The following RND2 variants were observed in gnomAD, a reference collection of about 807,000 sequenced individuals.
RND2 encodes the protein Rho family GTPase 2, also known as rho-related GTP-binding protein RhoN.
RND2 carries 16 observed loss-of-function variants against 25.9 expected under a neutral mutation model. That is an observed-to-expected ratio of 0.62 (90% CI 0.42 to 0.94). RND2 has a LOEUF of 0.94. RND2 is among the 40% of genes least tolerant of loss of function. The pLI is 0.00. For synonymous variants in RND2, 97 were observed against 118.1 expected (o/e 0.82, Z 1.16); for missense variants, 276 against 305.5 (o/e 0.90, Z 0.72).
intron 3 of RND2, 129 bp downstream of exon 3, chr17:43,027,421 C>T (rs2050632394): frequency 3.2e-6 from 2 of 617,492 alleles, no homozygotes; most frequent in Non-Finnish European, 5.7e-6. Flanking sequence ...GAGTGAAGCT[C>T]TCATCCCTGC....
In RND2 at chr17:43,026,042, C is replaced by T. The variant is rs762520087; in HGVS notation, c.185C>T (p.Thr62Ile). The change falls in exon 2 of 5, where the codon ACT becomes ATT. Residue 62 changes from threonine (T) to isoleucine (I), a missense_variant. By Grantham distance (89) the Thr-to-Ile change is moderately conservative. Transcript: ENST00000587250. ...CGCATTGAGCTCAACATGTGGGACA[C>T]TTCAGGTAGCCAAGTCCCTGGGGGT... ...KRRIELNMWD[T>I]SGSSYYDNVR... is the part of the protein sequence containing the mutation. The T allele has an allele frequency of 1.2e-6, 2 of 1,607,178 alleles. No individual in the cohort carries two copies. Among genetic ancestry groups the T allele is most frequent in the South Asian group, 1.1e-5 (1 of 90,960 alleles).
chr17:43,028,435 A>C lies in RND2; in HGVS notation c.439A>C (p.Thr147Pro). ...RLIPVTHEQG[T>P]VLAKQVGAVS... is the part of the protein sequence containing the mutation. Reference sequence around the variant, plus strand: ...CATGCACTCCTTCCTTTTCCAGGGCACTGTGCTGGCCAAGCAGGTGGGGGC... The same window carrying C: ...CATGCACTCCTTCCTTTTCCAGGGCCCTGTGCTGGCCAAGCAGGTGGGGGC... The change falls in exon 5 of 5, where the codon ACT (threonine) becomes CCT (proline). Residue 147 changes from threonine (T) to proline (P), a missense_variant. Transcript: ENST00000587250. 1.2e-6 allele frequency: 2 copies of C among 1,613,338 alleles called. No individual in the cohort carries two copies. Among genetic ancestry groups the C allele is most frequent in the Non-Finnish European group, 1.7e-6 (2 of 1,179,308 alleles).
Position 43,029,372 on chromosome 17 carries a change from G to C in RND2, c.*692G>C, listed in dbSNP as rs144448732. The C allele has an allele frequency of 6.5e-6, 1 of 153,238 alleles. No homozygotes were observed. The highest frequency in any genetic ancestry group is 2.4e-5 in the African/African-American group (1 of 41,572). The allele number at this position is 153,238 out of a possible 1,614,324, so 9.5% of individuals were successfully genotyped here. A position where few individuals can be genotyped will look rare whatever the true frequency, so the allele number is the denominator to read the frequency against. On this transcript the variant is annotated 3_prime_UTR_variant, in exon 5 of 5. Coordinates refer to ENST00000587250, the MANE Select transcript of RND2 (RefSeq NM_005440.5). The stretch of plus-strand genomic sequence containing the variant: ...GAGGACAAAGCCATAGGTTGGATCA[G>C]AAGTGTCCTTTTAGGAGTCAGAGTT...
chr17:43,027,203 G>C lies in RND2; in HGVS notation c.211G>C (p.Val71Leu). ...DTSGSSYYDN[V>L]RPLAYPDSDA... ...TTCAGGTTCCTCTTACTATGATAATGTCCGGCCTCTGGCCTATCCTGATTC... is the reference window on the plus strand; with the variant it reads ...TTCAGGTTCCTCTTACTATGATAATCTCCGGCCTCTGGCCTATCCTGATTC... The change falls in exon 3 of 5, where the codon GTC becomes CTC. Residue 71 changes from valine to leucine, a missense_variant. Coordinates refer to ENST00000587250, the MANE Select transcript of RND2 (RefSeq NM_005440.5). 6.2e-7 allele frequency: 1 copy of C among 1,608,664 alleles called. No homozygotes were observed. Among genetic ancestry groups the C allele is most frequent in the Non-Finnish European group, 8.5e-7 (1 of 1,177,038 alleles).
In RND2 at chr17:43,025,263, G is replaced by A; in HGVS notation, c.-85G>A. ...CGCGAGATGCCGGTGTTGGCGGCCC[G>A]AGCGGCTGCAGTTGCAGGGGCGGGG... On this transcript the variant is annotated 5_prime_UTR_variant, in exon 1 of 5. Coordinates refer to ENST00000587250, the MANE Select transcript of RND2 (RefSeq NM_005440.5). 1.6e-6 allele frequency: 2 copies of A among 1,219,140 alleles called. No individual in the cohort carries two copies. Among genetic ancestry groups the A allele is most frequent in the African/African-American group, 1.6e-5 (1 of 62,862 alleles). 75.5% of individuals were successfully genotyped at this position (1,219,140 alleles called of 1,614,324 possible). A position where few individuals can be genotyped will look rare whatever the true frequency, so the allele number is the denominator to read the frequency against.
chr17:43,025,786 A>C (rs1487799983), intron 1 of RND2, among the ~76,000 whole-genome samples, 174 bp from the exon 2 acceptor site: 4 of 10,856 alleles, frequency 3.7e-4, no homozygotes, highest in African/African-American at 5.4e-4. Flanking sequence ...CTTAGCAGAG[A>C]TTCTCCGGGG....
At chr17:43,025,868 C>CTGGGCTGG (rs2050618573) in intron 1 of RND2, 92 bp from the exon 2 acceptor site, 1 of 568,120 alleles carries the variant, frequency 1.8e-6, no homozygotes, top group Non-Finnish European at 2.7e-6. Context: ...TGTCCAGGGG[C>CTGGGCTGG]TGGGCTGGAC....
rs2050645257 is a variant in RND2 at position 43,028,629 on chromosome 17, G to A, written c.633G>A (p.Gly211=). ...AGCTGTCAGGACGGCCAGACCGGGG[G>A]AATGAGGGCGAGATACACAAGGATC... is the stretch of plus-strand genomic sequence containing the variant. ...SAQLSGRPDR[G]NEGEIHKDRA... The change falls in exon 5 of 5, where the codon GGG becomes GGA. Residue 211 remains glycine (G), a synonymous_variant. Transcript: ENST00000587250. 1.9e-6 allele frequency: 3 copies of A among 1,608,308 alleles called. No individual in the cohort carries two copies. Among genetic ancestry groups the A allele is most frequent in the Admixed American group, 3.4e-5 (2 of 59,074 alleles).
chr17:43,027,946 G>C (rs1037621825), intron 3 of RND2, 115 bp from the exon 4 acceptor site: 17 of 1,239,910 alleles, frequency 1.4e-5, no homozygotes, highest in Non-Finnish European at 1.8e-5. Flanking sequence ...GAGTCCTGAG[G>C]GATACATGGT....
rs770340877 is a variant in RND2, at chr17:43,025,361, G to C, written c.14G>C (p.Ser5Thr). Residue 5 changes from serine to threonine, a missense_variant, in exon 1 of 5, where the codon AGC becomes ACC. Ser to Thr is a moderately conservative substitution (Grantham distance 58). Coordinates refer to ENST00000587250, the MANE Select transcript of RND2 (RefSeq NM_005440.5). ...GTAGCCGGGACCATGGAGGGGCAGA[G>C]CGGCCGCTGCAAGATCGTGGTGGTG... is the stretch of plus-strand genomic sequence containing the variant. MEGQ[S>T]GRCKIVVVGD... 1.9e-6 allele frequency: 3 copies of C among 1,549,904 alleles called. No individual in the cohort carries two copies. The highest frequency in any genetic ancestry group is 2.6e-6 in the Non-Finnish European group (3 of 1,147,376).
In RND2 at chr17:43,028,744, G is replaced by T. The variant is rs1044234729; in HGVS notation, c.*64G>T. The T allele has an allele frequency of 2.0e-6, 3 of 1,494,830 alleles. No homozygotes were observed. The highest frequency in any genetic ancestry group is 2.7e-6 in the Non-Finnish European group (3 of 1,119,034). The allele number at this position is 1,494,830 out of a possible 1,614,324, so 92.6% of individuals were successfully genotyped here. ...GGGACACAATTGTTCCCCTGCCTGC[G>T]CCCAGGCTTCCTGACCTCCTGATCC... On this transcript the variant is annotated 3_prime_UTR_variant, in exon 5 of 5. Transcript: ENST00000587250.
rs2050670789 is a variant in RND2, at chr17:43,031,356, C to A, written c.*2676C>A. Reference sequence around the variant, plus strand: ...GGATAACCACCCCCTCAAACTGAGACCTGGTTAGGGACTGACTCAAAGACC... The same window carrying A: ...GGATAACCACCCCCTCAAACTGAGAACTGGTTAGGGACTGACTCAAAGACC... On this transcript the variant is annotated 3_prime_UTR_variant, in exon 5 of 5. Transcript: ENST00000587250. 1 of 152,110 alleles carries A rather than the reference C, an allele frequency of 6.6e-6. No individual in the cohort carries two copies. Among genetic ancestry groups the A allele is most frequent in the Non-Finnish European group, 1.5e-5 (1 of 68,030 alleles). The allele number at this position is 152,110 out of a possible 1,614,324, so 9.4% of individuals were successfully genotyped here. A position where few individuals can be genotyped will look rare whatever the true frequency, so the allele number is the denominator to read the frequency against.
At position 43,031,896 on chromosome 17, in the gene RND2, G is replaced by C. The variant is rs1019552150; in HGVS notation, c.*3216G>C. The C allele has an allele frequency of 2.0e-5, 3 of 151,934 alleles. No individual in the cohort carries two copies. Among genetic ancestry groups the C allele is most frequent in the Non-Finnish European group, 4.4e-5 (3 of 68,056 alleles). 9.4% of individuals were successfully genotyped at this position (151,934 alleles called of 1,614,324 possible). On this transcript the variant is annotated 3_prime_UTR_variant, in exon 5 of 5. Coordinates refer to ENST00000587250, the MANE Select transcript of RND2 (RefSeq NM_005440.5). ...AAAGGCCTCTGTAGGATGGAGGGAGGGGACCTTACTCCCTTCCCCACCCCA... is the reference window on the plus strand; with the variant it reads ...AAAGGCCTCTGTAGGATGGAGGGAGCGGACCTTACTCCCTTCCCCACCCCA...
rs1597788075 is a variant in RND2, at chr17:43,026,045, C to T, written c.188C>T (p.Ser63Leu). The T allele has an allele frequency of 6.2e-7, 1 of 1,606,438 alleles. No individual in the cohort carries two copies. The highest frequency in any genetic ancestry group is 8.5e-7 in the Non-Finnish European group (1 of 1,173,846). ...ATTGAGCTCAACATGTGGGACACTT[C>T]AGGTAGCCAAGTCCCTGGGGGTCAC... ...RRIELNMWDTSGSSYYDNVRP... is the reference protein window; with the variant it reads ...RRIELNMWDTLGSSYYDNVRP... Residue 63 changes from serine to leucine, a missense_variant and splice_region_variant, in exon 2 of 5, where the codon TCA becomes TTA. Coordinates refer to ENST00000587250, the MANE Select transcript of RND2 (RefSeq NM_005440.5).
In RND2 at chr17:43,028,671, C is replaced by T. The variant is rs917146509; in HGVS notation, c.675C>T (p.Asn225=). Residue 225 remains asparagine, a synonymous_variant, in exon 5 of 5, where the codon AAC becomes AAT. Transcript: ENST00000587250. ...EIHKDRAKSC[N]LM is the part of the protein sequence containing the mutation. ...ACAAGGATCGAGCCAAAAGCTGCAA[C>T]CTCATGTGAGGGGCTAGGAGAGGGC... 11 of 1,575,000 alleles carry T rather than the reference C, an allele frequency of 7.0e-6. No individual in the cohort carries two copies. The highest frequency in any genetic ancestry group is 6.7e-5 in the African/African-American group (5 of 74,090).
At chr17:43,025,599 A>G in intron 1 of RND2, 150 bp downstream of exon 1, 1 of 1,029,998 alleles carries the variant, frequency 9.7e-7, no homozygotes, top group Non-Finnish European at 1.4e-6. Flanking sequence ...GGGCTCAGGA[A>G]GGACTGCAGA....
chr17:43,025,892 G>C (rs2050618963), intron 1 of RND2, 68 bp from the exon 2 acceptor site: 1 of 1,225,026 alleles, frequency 8.2e-7, no homozygotes, highest in Non-Finnish European at 1.2e-6. Context: ...GTGTGGGAGT[G>C]AGGAGGGCAT....
At position 43,025,254 on chromosome 17, in the gene RND2, TGGC is replaced by T. The variant is rs2050609725; in HGVS notation, c.-90_-88del. On this transcript the variant is annotated 5_prime_UTR_variant, in exon 1 of 5. Transcript: ENST00000587250. ...GCGCGGGCCCGCGAGATGCCGGTGT[TGGC>T]GGCCCGAGCGGCTGCAGTTGCAGGG... The T allele has an allele frequency of 1.8e-6, 2 of 1,096,534 alleles. No individual in the cohort carries two copies. The highest frequency in any genetic ancestry group is 2.3e-6 in the Non-Finnish European group (2 of 857,226). The allele number at this position is 1,096,534 out of a possible 1,614,324, so 67.9% of individuals were successfully genotyped here. A position where few individuals can be genotyped will look rare whatever the true frequency, so the allele number is the denominator to read the frequency against.
intron 4 of RND2, 65 bp downstream of exon 4, chr17:43,028,260 G>A (rs1032064693): frequency 6.2e-7 from 1 of 1,605,996 alleles, no homozygotes; most frequent in African/African-American, 1.3e-5. Context: ...TTCAGTCTCT[G>A]ATTTGAAAAC....
Sources: gnomAD v4.1 joint callset for allele counts (sites outside exome capture counted in the v4.1 genomes callset) on GRCh38, gnomAD v4.1.1 for gene constraint, MANE v1.5 for transcripts, NCBI Gene and HGNC (gene_info 2026-07-23, HGNC 2026-07-21) for gene names.